Variants in COL18A1 observed in about 807,000 individuals in gnomAD.
COL18A1 encodes collagen type XVIII alpha 1 chain.
Under a neutral mutation model 168.0 loss-of-function variants are expected in COL18A1, and 133 were observed. The observed-to-expected ratio is 0.79, with a 90% confidence interval of 0.69 to 0.91. The LOEUF is 0.91. Among genes scored for constraint, COL18A1 ranks in the 40% least tolerant of loss-of-function variants. The probability of loss-of-function intolerance (pLI) is 0.00; values close to 1 mark genes in which losing one functional copy is unlikely to be tolerated. For synonymous variants in COL18A1, 949 were observed against 809.0 expected (o/e 1.17, Z -2.94); for missense variants, 2,126 against 1,925.4 (o/e 1.10, Z -1.95).
rs1384027352 is a variant in COL18A1, at chr21:45,491,368, C to T, written c.2157+54C>T. ...ATCTGTCCAGACCCCCCACGGGGTG[C>T]AGAGATCCCTCCCCGAGCCCCCCCC... On this transcript the variant is annotated intron_variant, in intron 22 of 41. Transcript: ENST00000651438. 9.8e-6 allele frequency: 10 copies of T among 1,015,328 alleles called. No individual in the cohort carries two copies. In the East Asian group the frequency reaches 1.8e-4, roughly 18 times the overall value. The allele number at this position is 1,015,328 out of a possible 1,614,324, so 62.9% of individuals were successfully genotyped here.
Position 45,473,222 on chromosome 21 carries a change from CG to C in COL18A1, c.652-672del, listed in dbSNP as rs1225755358. Among the ~76,000 whole-genome samples, 13 of 152,216 alleles carry C rather than the reference CG, an allele frequency of 8.5e-5. No individual in the cohort carries two copies. Among genetic ancestry groups the C allele is most frequent in the African/African-American group, 1.4e-4 (6 of 41,458 alleles). On this transcript the variant is annotated intron_variant, in intron 3 of 41. Coordinates refer to ENST00000651438, the MANE Select transcript of COL18A1 (RefSeq NM_001379500.1). This position sits in a 1 kb window ranked among gnomAD's most constrained non-coding sequence, Gnocchi z 4.0. ...CCCCGGCCTGCATCTCACCAGGCAC[CG>C]CCGGCCGCGCCAGGGCCCGAGAGGG...
intron 34 of COL18A1, among the ~76,000 whole-genome samples, 166 bp from the exon 35 acceptor site, chr21:45,504,968 G>A (rs995107397): frequency 6.6e-6 from 1 of 152,092 alleles, no homozygotes; most frequent in African/African-American, 2.4e-5. Context: ...GGAAGAAGGG[G>A]TGATGGTGTG....
Position 45,477,403 on chromosome 21 carries a change from C to A in COL18A1, c.929-8C>A, listed in dbSNP as rs767031790. 1.9e-6 allele frequency: 3 copies of A among 1,611,302 alleles called. No individual in the cohort carries two copies. Among genetic ancestry groups the A allele is most frequent in the African/African-American group, 1.3e-5 (1 of 74,972 alleles). ...CGTGACCGTGGCCACCTCTGCTTCT[C>A]TTCCCAGCTCAGACACTTCCTGGCT... On this transcript the variant is annotated splice_polypyrimidine_tract_variant and splice_region_variant and intron_variant, in intron 6 of 41. Coordinates refer to ENST00000651438, the MANE Select transcript of COL18A1 (RefSeq NM_001379500.1).
At position 45,509,547 on chromosome 21, in the gene COL18A1, G is replaced by A; in HGVS notation, c.3441G>A (p.Arg1147=). The change falls in exon 39 of 42, where the codon CGG becomes CGA. Residue 1147 remains arginine (R), a synonymous_variant. Coordinates refer to ENST00000651438, the MANE Select transcript of COL18A1 (RefSeq NM_001379500.1). ...APHHSSYVHL[R]PARPTSPPAH... is the part of the protein sequence containing the mutation. ...ACCACAGCTCCTACGTGCACCTGCG[G>A]CCGGCGCGACCCACAAGCCCACCCG... is the stretch of plus-strand genomic sequence containing the variant. 6.5e-7 allele frequency: 1 copy of A among 1,537,326 alleles called. No individual in the cohort carries two copies. Among genetic ancestry groups the A allele is most frequent in the Non-Finnish European group, 8.7e-7 (1 of 1,145,534 alleles).
intron 2 of COL18A1, among the ~76,000 whole-genome samples, chr21:45,429,912 G>A (rs930760607): frequency 7.9e-5 from 12 of 151,110 alleles, no homozygotes; most frequent in Middle Eastern, 3.4e-3. Flanking sequence ...ATGGTTTTGG[G>A]GCCCTCATCT....
At chr21:45,480,046 G>A in intron 10 of COL18A1, 24 bp from the exon 11 acceptor site, 5 of 1,611,712 alleles carry the variant, frequency 3.1e-6, no homozygotes, top group Non-Finnish European at 4.2e-6. Flanking sequence ...CCCAGGGTAT[G>A]ATAGGCTTGT....
At chr21:45,446,730 C>T (rs528437599) in intron 2 of COL18A1, among the ~76,000 whole-genome samples, 15 of 151,218 alleles carry the variant, frequency 9.9e-5, no homozygotes, top group Middle Eastern at 3.4e-3. Context: ...GTTTATCTTA[C>T]GAATTATGGA....
At chr21:45,405,275 C>CTCG in intron 1 of COL18A1, 34 bp downstream of exon 1, 1 of 114,404 alleles carries the variant, frequency 8.7e-6, no homozygotes. Context: ...GGTTGGGGGA[C>CTCG]GCCAAGATGC....
At chr21:45,493,327 T>C in intron 25 of COL18A1, 102 bp downstream of exon 25, 1 of 1,388,556 alleles carries the variant, frequency 7.2e-7, no homozygotes, top group Non-Finnish European at 1.0e-6. Flanking sequence ...ACCCCCCGGC[T>C]GCTGCTGTGA....
At chr21:45,468,139 A>G in intron 2 of COL18A1, 103 bp from the exon 3 acceptor site, 5 of 1,279,360 alleles carry the variant, frequency 3.9e-6, no homozygotes, top group Non-Finnish European at 5.5e-6. Flanking sequence ...TCCCAGACTC[A>G]GTTTCTCCTT....
In COL18A1 at chr21:45,405,398, C is replaced by A. The variant is rs754075778; in HGVS notation, c.31C>A (p.Arg11=). The change falls in exon 2 of 42, where the codon CGG becomes AGG. Residue 11 remains arginine (R), a synonymous_variant. Transcript: ENST00000651438. ...GCGCAGGTGCCCCTGGCCATGGCCG[C>A]GGCGGCGGCGCCTCCTGGACGTGCT... is the stretch of plus-strand genomic sequence containing the variant. MAPRCPWPWP[R]RRRLLDVLAP... The A allele has an allele frequency of 2.3e-6, 3 of 1,305,122 alleles. No homozygotes were observed. In the East Asian group the frequency reaches 1.1e-4, roughly 46 times the overall value. 80.8% of individuals were successfully genotyped at this position (1,305,122 alleles called of 1,614,324 possible).
At chr21:45,487,378 CCACCCCAGGG>C in intron 16 of COL18A1, 59 bp from the exon 17 acceptor site, 1 of 1,566,250 alleles carries the variant, frequency 6.4e-7, no homozygotes, top group South Asian at 1.1e-5. Flanking sequence ...TCGGGCAGTG[CCACCCCAGGG>C]AGGGGTCCTT....
chr21:45,425,664 C>T lies in COL18A1; in HGVS notation c.106+20191C>T, dbSNP rs1043480754. 5.9e-5 allele frequency among the ~76,000 whole-genome samples: 9 copies of T among 152,272 alleles called. No homozygotes were observed. The highest frequency in any genetic ancestry group is 1.9e-4 in the African/African-American group (8 of 41,560). On this transcript the variant is annotated intron_variant, in intron 2 of 41. Coordinates refer to ENST00000651438, the MANE Select transcript of COL18A1 (RefSeq NM_001379500.1). The surrounding 1 kb of genome is among the most constrained non-coding windows in gnomAD (Gnocchi z 4.1). ...TCGTCGTCCAGCCTCCCCGGCTCCTCAGGGGGAGGTTCGGGGCCTTTGGTC... is the reference window on the plus strand; with the variant it reads ...TCGTCGTCCAGCCTCCCCGGCTCCTTAGGGGGAGGTTCGGGGCCTTTGGTC...
chr21:45,418,381 CT>C (rs1220574098), intron 2 of COL18A1, among the ~76,000 whole-genome samples: 2 of 152,142 alleles, frequency 1.3e-5, no homozygotes, highest in Non-Finnish European at 2.9e-5. Context: ...CAGTGCTGGG[CT>C]CATTCTTCCC....
intron 29 of COL18A1, 150 bp downstream of exon 29, chr21:45,495,582 A>C: frequency 1.5e-6 from 1 of 664,834 alleles, no homozygotes; most frequent in Non-Finnish European, 2.7e-6. Flanking sequence ...TGCCATACCC[A>C]TGCACAGTCA....
intron 25 of COL18A1, 36 bp downstream of exon 25, chr21:45,493,261 G>A: frequency 1.3e-6 from 2 of 1,549,066 alleles, no homozygotes; most frequent in South Asian, 1.2e-5. Flanking sequence ...AACCCCCTTT[G>A]TGACCCAGGG....
chr21:45,478,346 G>A lies in COL18A1; in HGVS notation c.1241G>A (p.Gly414Glu). The A allele has an allele frequency of 6.2e-7, 1 of 1,614,130 alleles. No individual in the cohort carries two copies. Among genetic ancestry groups the A allele is most frequent in the Non-Finnish European group, 8.5e-7 (1 of 1,180,016 alleles). Residue 414 changes from glycine to glutamate, a missense_variant, in exon 9 of 42, where the codon GGA becomes GAA. Transcript: ENST00000651438. ...ACCCAGGGCGACCCCGGTGAAGACG[G>A]AAAGCCGGTGAGTCTGCTTTTCTTT... ...DGEPGDPGED[G>E]KPGDTGPQGF... is the part of the protein sequence containing the mutation.
At chr21:45,481,903 C>A in intron 13 of COL18A1, 60 bp from the exon 14 acceptor site, 3 of 1,235,020 alleles carry the variant, frequency 2.4e-6, no homozygotes, top group Non-Finnish European at 2.4e-6. Flanking sequence ...ACCTGTTAAC[C>A]CAGAAATCGT....
chr21:45,480,096 G>A lies in COL18A1; in HGVS notation c.1338G>A (p.Gly446=), dbSNP rs1568908255. The A allele has an allele frequency of 6.2e-7, 1 of 1,608,166 alleles. No individual in the cohort carries two copies. The highest frequency in any genetic ancestry group is 2.2e-5 in the East Asian group (1 of 44,774). Residue 446 remains glycine, a synonymous_variant, in exon 11 of 42, where the codon GGG becomes GGA. Coordinates refer to ENST00000651438, the MANE Select transcript of COL18A1 (RefSeq NM_001379500.1). ...GAGACCCTGGGGTTGGAGAGAGAGG[G>A]CCCCCAGGACCCCAAGGGCCTCCAG... ...DKGDPGVGER[G]PPGPQGPPGP...
Sources: gnomAD v4.1 joint callset for allele counts (sites outside exome capture counted in the v4.1 genomes callset) on GRCh38, gnomAD v4.1.1 for gene constraint, Gnocchi (gnomAD v3.1) non-coding constraint, MANE v1.5 for transcripts, NCBI Gene and HGNC (gene_info 2026-07-23, HGNC 2026-07-21) for gene names.